CAMTA1: variants seen among roughly 807,000 people sequenced by gnomAD.
CAMTA1 encodes the protein calmodulin binding transcription activator 1.
Under a neutral mutation model 170.9 loss-of-function variants are expected in CAMTA1, and 27 were observed. That is an observed-to-expected ratio of 0.16 (90% CI 0.12 to 0.22). CAMTA1 has a LOEUF of 0.22. Ranked by LOEUF, CAMTA1 falls within the 10% of genes least tolerant of loss-of-function variation. The pLI is 1.00. For synonymous variants in CAMTA1, 833 were observed against 891.5 expected, an observed-to-expected ratio of 0.93 and a Z score of 1.17; for missense variants, 1,619 against 2,217.2, an observed-to-expected ratio of 0.73 and a Z score of 5.42.
chr1:7,624,185 C>T (rs1309808008), intron 6 of CAMTA1, among the ~76,000 whole-genome samples: 3 of 152,234 alleles, frequency 2.0e-5, no homozygotes, highest in East Asian at 1.9e-4. Flanking sequence ...TGGGTCTCCC[C>T]GCTAAGGGGT....
At chr1:7,628,356 A>G (rs1350101578) in intron 6 of CAMTA1, among the ~76,000 whole-genome samples, 1 of 152,206 alleles carries the variant, frequency 6.6e-6, no homozygotes, top group African/African-American at 2.4e-5. Context: ...ATGTGGCCCA[A>G]AGAATGCGGC....
intron 5 of CAMTA1, among the ~76,000 whole-genome samples, chr1:7,404,887 T>G (rs912109351): frequency 1.3e-5 from 2 of 152,218 alleles, no homozygotes; most frequent in Non-Finnish European, 2.9e-5. Flanking sequence ...AGTTCATGAC[T>G]AGCAGAAAAT....
rs376034127 is a variant in CAMTA1 at position 7,455,022 on chromosome 1, G to A, written c.439-12808G>A. Among the ~76,000 whole-genome samples, 5 of 152,168 alleles carry A rather than the reference G, an allele frequency of 3.3e-5. No individual in the cohort carries two copies. Among genetic ancestry groups the A allele is most frequent in the African/African-American group, 4.8e-5 (2 of 41,448 alleles). On this transcript the variant is annotated intron_variant, in intron 5 of 22. Transcript: ENST00000303635. This position sits in a 1 kb window ranked among gnomAD's most constrained non-coding sequence, Gnocchi z 5.0. ...CAGCTGGGGTTCATCCCCCTGCTCC[G>A]TGCCAGAGCCTCGGAGGTTCCGATG...
chr1:6,827,324 G>A (rs1389843965), intron 3 of CAMTA1, among the ~76,000 whole-genome samples: 1 of 152,196 alleles, frequency 6.6e-6, no homozygotes, highest in Non-Finnish European at 1.5e-5. Flanking sequence ...GGGATGGGCT[G>A]TTCTTTCAGT....
At chr1:7,479,663 T>C (rs2093479916) in intron 6 of CAMTA1, among the ~76,000 whole-genome samples, 1 of 152,136 alleles carries the variant, frequency 6.6e-6, no homozygotes, top group African/African-American at 2.4e-5. Context: ...TCAGCCTAGC[T>C]CAGCTCAGCA....
intron 6 of CAMTA1, among the ~76,000 whole-genome samples, chr1:7,468,128 C>T (rs2093255566): frequency 6.6e-6 from 1 of 152,196 alleles, no homozygotes; most frequent in Admixed American, 6.5e-5. Flanking sequence ...GGGTAGCTGT[C>T]ACCCACTGAT....
chr1:7,121,201 G>A (rs1348209816), intron 4 of CAMTA1, among the ~76,000 whole-genome samples: 1 of 152,210 alleles, frequency 6.6e-6, no homozygotes, highest in Non-Finnish European at 1.5e-5. Flanking sequence ...TTTTTGCCAG[G>A]GCTGGCCGAG....
At chr1:6,902,651 T>C (rs1328216846) in intron 3 of CAMTA1, among the ~76,000 whole-genome samples, 1 of 152,228 alleles carries the variant, frequency 6.6e-6, no homozygotes, top group African/African-American at 2.4e-5. Flanking sequence ...TGTCAGAATG[T>C]ATGGACCTGT....
intron 3 of CAMTA1, among the ~76,000 whole-genome samples, chr1:6,906,060 C>T (rs1027466409): frequency 2.6e-5 from 4 of 152,120 alleles, no homozygotes; most frequent in Admixed American, 6.5e-5. Flanking sequence ...TGCTTAGGAT[C>T]GTGAGCCCTC....
Position 6,841,498 on chromosome 1 carries a change from C to T in CAMTA1, c.234+16288C>T, listed in dbSNP as rs115365523. Among the ~76,000 whole-genome samples the T allele has an allele frequency of 4.8e-3, 722 of 151,534 alleles. 5 individuals are homozygous for T. Among genetic ancestry groups the T allele is most frequent in the African/African-American group, 0.016 (663 of 41,292 alleles). ...GGGTGGTTCCAGTGGAGTGTTGGTG[C>T]GGTGGCCCAATGGGAGTGAGTTGAA... On this transcript the variant is annotated intron_variant, in intron 3 of 22. Transcript: ENST00000303635.
Position 7,013,237 on chromosome 1 carries a change from T to C in CAMTA1, c.235-78067T>C, listed in dbSNP as rs544823888. ...TTTTTTTTTTTTTTTTTTTTTGAGA[T>C]AGAGTCTCGCCAGCCTGTTGCTCAG... On this transcript the variant is annotated intron_variant, in intron 3 of 22. Coordinates refer to ENST00000303635, the MANE Select transcript of CAMTA1 (RefSeq NM_015215.4). Among the ~76,000 whole-genome samples, 7 of 130,018 alleles carry C rather than the reference T, an allele frequency of 5.4e-5. No homozygotes were observed. In the Admixed American group the frequency reaches 5.4e-4, roughly 10 times the overall value. 85.3% of individuals were successfully genotyped at this position (130,018 alleles called of 152,430 possible).
chr1:7,405,605 C>T (rs1020562227), intron 5 of CAMTA1, among the ~76,000 whole-genome samples: 1 of 152,146 alleles, frequency 6.6e-6, no homozygotes, highest in African/African-American at 2.4e-5. Context: ...CTCCTAGGCT[C>T]AAGTCATCTG....
At chr1:7,274,061 A>G (rs769629033) in intron 5 of CAMTA1, among the ~76,000 whole-genome samples, 1 of 152,202 alleles carries the variant, frequency 6.6e-6, no homozygotes, top group Non-Finnish European at 1.5e-5. Flanking sequence ...AATATGAAAC[A>G]GGACAAGTAG....
At chr1:7,549,284 G>A (rs1371685211) in intron 6 of CAMTA1, among the ~76,000 whole-genome samples, 1 of 151,908 alleles carries the variant, frequency 6.6e-6, no homozygotes, top group African/African-American at 2.4e-5. Context: ...TCTTAGGGGT[G>A]GAGATGCCCG....
chr1:6,854,416 G>T (rs1449081417), intron 3 of CAMTA1, among the ~76,000 whole-genome samples: 1 of 152,148 alleles, frequency 6.6e-6, no homozygotes. Context: ...AAGTACGTTT[G>T]TGTAAGTACA....
At chr1:7,189,586 CACTTT>C (rs1463347084) in intron 4 of CAMTA1, among the ~76,000 whole-genome samples, 1 of 152,156 alleles carries the variant, frequency 6.6e-6, no homozygotes, top group Non-Finnish European at 1.5e-5. Flanking sequence ...ACTGTGATAC[CACTTT>C]ACTTCTGCAA....
chr1:7,007,685 C>G lies in CAMTA1; in HGVS notation c.235-83619C>G, dbSNP rs563031661. On this transcript the variant is annotated intron_variant, in intron 3 of 22. Transcript: ENST00000303635. This position sits in a 1 kb window ranked among gnomAD's most constrained non-coding sequence, Gnocchi z 4.5. The stretch of plus-strand genomic sequence containing the variant: ...TCAGTGCTGCGGAGGTGAGCTCCTT[C>G]TGAAAGGACCCCCTGTGGGGCTCCC... Among the ~76,000 whole-genome samples the G allele has an allele frequency of 2.6e-5, 4 of 152,298 alleles. No individual in the cohort carries two copies. Among genetic ancestry groups the G allele is most frequent in the Admixed American group, 1.3e-4 (2 of 15,296 alleles).
intron 5 of CAMTA1, among the ~76,000 whole-genome samples, chr1:7,257,825 C>T (rs576447158): frequency 5.3e-5 from 8 of 152,328 alleles, no homozygotes; most frequent in African/African-American, 1.4e-4. Context: ...AGCATCAGAG[C>T]TGTTCCTTTG....
At chr1:7,220,853 G>T (rs1660625294) in intron 4 of CAMTA1, among the ~76,000 whole-genome samples, 1 of 152,246 alleles carries the variant, frequency 6.6e-6, no homozygotes. Flanking sequence ...ACATGGAGAA[G>T]AAGTGGTGGA....
Sources: gnomAD v4.1 joint callset for allele counts (sites outside exome capture counted in the v4.1 genomes callset) on GRCh38, gnomAD v4.1.1 for gene constraint, Gnocchi (gnomAD v3.1) non-coding constraint, MANE v1.5 for transcripts, NCBI Gene and HGNC (gene_info 2026-07-23, HGNC 2026-07-21) for gene names.